The following DOP1B variants were observed in gnomAD, a reference collection of about 807,000 sequenced individuals.
DOP1B encodes the protein protein DOP1B.
A neutral mutation model predicts 233.5 loss-of-function variants in DOP1B; 174 were observed. That is an observed-to-expected ratio of 0.75 (90% CI 0.66 to 0.85). DOP1B has a LOEUF of 0.85. DOP1B is among the 40% of genes least tolerant of loss of function. The pLI, the probability that DOP1B is intolerant of heterozygous loss-of-function variation, is 0.00. For missense variants in DOP1B, 2,652 were observed against 2,846.6 expected (o/e 0.93, Z 1.56); for synonymous variants, 1,190 against 1,185.6 (o/e 1.00, Z -0.08).
At chr21:36,227,381 A>G (rs1285537046) in intron 12 of DOP1B, among the ~76,000 whole-genome samples, 1 of 151,086 alleles carries the variant, frequency 6.6e-6, no homozygotes, top group African/African-American at 2.4e-5. Context: ...CCCCATCTCT[A>G]CTAAACATAC....
rs768967775 is a variant in DOP1B at position 36,245,470 on chromosome 21, G to A, written c.3490G>A (p.Ala1164Thr). The A allele has an allele frequency of 2.5e-6, 4 of 1,613,674 alleles. No individual in the cohort carries two copies. The East Asian group carries it at 8.9e-5, about 36-fold the overall frequency. The change falls in exon 19 of 37, where the codon GCC (alanine) becomes ACC (threonine). Residue 1164 changes from alanine (A) to threonine (T), a missense_variant. Physicochemically the swap from Ala to Thr is moderately conservative, Grantham distance 58. Around this residue, in one of 3 missense-constraint regions of DOP1B, gnomAD observed 2,617 missense variants for 2,794.3 expected, o/e 0.94. Coordinates refer to ENST00000691173, the MANE Select transcript of DOP1B (RefSeq NM_001320714.2). This position sits in a 1 kb window ranked among gnomAD's most constrained non-coding sequence, Gnocchi z 5.5. ...AYPKRSALLA[A>T]FQSESFKAGA... Reference sequence around the variant, plus strand: ...CCCCAAGCGCTCGGCCCTGCTGGCGGCCTTCCAGTCAGAAAGCTTCAAGGC... The same window carrying A: ...CCCCAAGCGCTCGGCCCTGCTGGCGACCTTCCAGTCAGAAAGCTTCAAGGC...
intron 4 of DOP1B, among the ~76,000 whole-genome samples, chr21:36,204,780 G>A (rs904362839): frequency 1.3e-5 from 2 of 149,556 alleles, no homozygotes; most frequent in African/African-American, 2.5e-5. Context: ...TCAGCCTCCC[G>A]AGTAGCTGGG....
At chr21:36,230,154 CT>C (rs1569036448) in intron 13 of DOP1B, among the ~76,000 whole-genome samples, 1 of 152,228 alleles carries the variant, frequency 6.6e-6, no homozygotes, top group East Asian at 1.9e-4. Flanking sequence ...TCTTAAACAA[CT>C]TTTTTGAACT....
chr21:36,278,153 A>C, intron 29 of DOP1B, 56 bp from the exon 30 acceptor site: 3 of 1,613,484 alleles, frequency 1.9e-6, no homozygotes, highest in Non-Finnish European at 8.5e-7. Flanking sequence ...TGAATCAAGT[A>C]GTTTTCCTTG....
chr21:36,264,362 T>C (rs2067209403), intron 26 of DOP1B, among the ~76,000 whole-genome samples: 1 of 152,160 alleles, frequency 6.6e-6, no homozygotes. Flanking sequence ...TAGTGAGCTG[T>C]GATCACACCA....
chr21:36,192,134 G>A lies in DOP1B; in HGVS notation c.139-6936G>A, dbSNP rs1601398793. Among the ~76,000 whole-genome samples, 4 of 152,132 alleles carry A rather than the reference G, an allele frequency of 2.6e-5. No homozygotes were observed. The South Asian group carries it at 8.3e-4, about 31-fold the overall frequency. On this transcript the variant is annotated intron_variant, in intron 2 of 36. Transcript: ENST00000691173. ...AGCACTTTGAGAGGCTGAGGTGGGT[G>A]GATTGCTTAAGCTCAGGAGTTTGAG...
At position 36,251,196 on chromosome 21, in the gene DOP1B, C is replaced by G; in HGVS notation, c.5033C>G (p.Pro1678Arg). 6.2e-7 allele frequency: 1 copy of G among 1,613,962 alleles called. No individual in the cohort carries two copies. Among genetic ancestry groups the G allele is most frequent in the Non-Finnish European group, 8.5e-7 (1 of 1,179,990 alleles). ...CAAAAAATTTTAGACTTCTTAAACC[C>G]CTTGACGGCCCATCTTGGGGTTCAG... is the stretch of plus-strand genomic sequence containing the variant. ...IRQKILDFLNPLTAHLGVQLT... is the reference protein window; with the variant it reads ...IRQKILDFLNRLTAHLGVQLT... The change falls in exon 22 of 37, where the codon CCC becomes CGC. Residue 1678 changes from proline (P) to arginine (R), a missense_variant. Physicochemically the swap from Pro to Arg is moderately radical, Grantham distance 103. This residue lies in a region of DOP1B where 2,617 missense variants were observed against 2,794.3 expected (regional missense o/e 0.94). Transcript: ENST00000691173.
chr21:36,176,024 G>A (rs1483562663), intron 2 of DOP1B, among the ~76,000 whole-genome samples: 1 of 151,848 alleles, frequency 6.6e-6, no homozygotes, highest in African/African-American at 2.4e-5. Flanking sequence ...GAGGAACAGA[G>A]GAAGTGTGAT....
chr21:36,164,946 CATG>C, intron 2 of DOP1B, 75 bp downstream of exon 2: 1 of 1,251,468 alleles, frequency 8.0e-7, no homozygotes, highest in Non-Finnish European at 1.0e-6. Context: ...TAAGAAATTA[CATG>C]ATTATATTAT....
At chr21:36,161,399 A>C (rs2065868210) in intron 1 of DOP1B, among the ~76,000 whole-genome samples, 1 of 152,100 alleles carries the variant, frequency 6.6e-6, no homozygotes. Context: ...GGCCTCCCAA[A>C]GCGCTGGGAT....
At chr21:36,281,073 G>C (rs1419953523) in intron 31 of DOP1B, among the ~76,000 whole-genome samples, 1 of 152,174 alleles carries the variant, frequency 6.6e-6, no homozygotes, top group Non-Finnish European at 1.5e-5. Context: ...AGTGGCTGAG[G>C]TGGGTGGATC....
chr21:36,238,670 C>T lies in DOP1B; in HGVS notation c.2845C>T (p.Arg949Ter). The T allele has an allele frequency of 6.2e-7, 1 of 1,614,198 alleles. No individual in the cohort carries two copies. The highest frequency in any genetic ancestry group is 8.5e-7 in the Non-Finnish European group (1 of 1,180,038). ...WHLTREIQGS[R>*]VTSHNRSFDR... ...TCTGACAAGAGAGATCCAAGGCAGT[C>T]GAGTAACATCTCACAATCGCTCCTT... is the stretch of plus-strand genomic sequence containing the variant. Residue 949 changes from arginine to a stop codon, truncating the protein, a stop_gained, in exon 17 of 37, where the codon CGA becomes TGA. Coordinates refer to ENST00000691173, the MANE Select transcript of DOP1B (RefSeq NM_001320714.2). LOFTEE classifies it high-confidence loss of function.
Position 36,247,603 on chromosome 21 carries a change from T to G in DOP1B, c.4784T>G (p.Leu1595Trp). 1 of 1,605,864 alleles carries G rather than the reference T, an allele frequency of 6.2e-7. No individual in the cohort carries two copies. The highest frequency in any genetic ancestry group is 8.5e-7 in the Non-Finnish European group (1 of 1,178,236). Residue 1595 changes from leucine to tryptophan, a missense_variant, in exon 20 of 37, where the codon TTG becomes TGG. By Grantham distance (61) the Leu-to-Trp change is moderately conservative (BLOSUM62 -2). Transcript: ENST00000691173. ...ACGACCATTAGTCATTTTTGTCTTT[T>G]GGAACAAGCCAACCAAAACAAAAAG... ...GLTTISHFCL[L>W]EQANQNKKTM...
chr21:36,285,869 AT>A (rs1569071988), intron 32 of DOP1B, among the ~76,000 whole-genome samples: 3 of 151,898 alleles, frequency 2.0e-5, no homozygotes, highest in African/African-American at 7.3e-5. Context: ...TTAGCTGAGC[AT>A]GGTTTCAGGC....
At chr21:36,165,148 G>C (rs561294987) in intron 2 of DOP1B, among the ~76,000 whole-genome samples, 6 of 152,156 alleles carry the variant, frequency 3.9e-5, no homozygotes, top group African/African-American at 1.2e-4. Context: ...CCTCCTTCCA[G>C]CTTTTTCTGA....
At chr21:36,232,358 G>A (rs1314272678) in intron 14 of DOP1B, among the ~76,000 whole-genome samples, 2 of 152,158 alleles carry the variant, frequency 1.3e-5, no homozygotes, top group Non-Finnish European at 2.9e-5. Context: ...CATAGTTCTG[G>A]AAGCCAGAAG....
chr21:36,273,002 A>G (rs1250227276), intron 27 of DOP1B, among the ~76,000 whole-genome samples: 1 of 150,292 alleles, frequency 6.7e-6, no homozygotes, highest in African/African-American at 2.4e-5. Context: ...AAAAAAAAAA[A>G]AAAAAGACCC....
intron 1 of DOP1B, among the ~76,000 whole-genome samples, chr21:36,158,400 G>T (rs1221116892): frequency 6.6e-6 from 1 of 152,154 alleles, no homozygotes; most frequent in African/African-American, 2.4e-5. Context: ...GCTCGAATCT[G>T]GTTCTGCTAG....
chr21:36,185,847 CAT>C lies in DOP1B; in HGVS notation c.139-13222_139-13221del, dbSNP rs375547080. 5.9e-5 allele frequency among the ~76,000 whole-genome samples: 9 copies of C among 152,266 alleles called. No individual in the cohort carries two copies. In the East Asian group the frequency reaches 1.5e-3, roughly 26 times the overall value. On this transcript the variant is annotated intron_variant, in intron 2 of 36. Transcript: ENST00000691173. ...GGAAAAATAAGGGGCAGCATTTGCA[CAT>C]GTGTGCTGCAGATTACCCGCTGTGA... is the stretch of plus-strand genomic sequence containing the variant.
Sources: gnomAD v4.1 joint callset for allele counts (sites outside exome capture counted in the v4.1 genomes callset) on GRCh38, gnomAD v4.1.1 for gene constraint, gnomAD v4.1.1 regional missense constraint, Gnocchi (gnomAD v3.1) non-coding constraint, MANE v1.5 for transcripts, NCBI Gene and HGNC (gene_info 2026-07-23, HGNC 2026-07-21) for gene names.